Variants in CTNNA3 observed in about 807,000 individuals in gnomAD.
CTNNA3 encodes catenin alpha-3.
Under a neutral mutation model 95.7 loss-of-function variants are expected in CTNNA3, and 76 were observed. The observed-to-expected ratio is 0.79, with a 90% CI of 0.66 to 0.96. The LOEUF is 0.96. CTNNA3 is among the 40% of genes least tolerant of loss of function. The probability of loss-of-function intolerance (pLI) is 0.00; values close to 1 mark genes in which losing one functional copy is unlikely to be tolerated. For synonymous variants in CTNNA3, 431 were observed against 374.4 expected (o/e 1.15, Z -1.74); for missense variants, 1,191 against 1,089.8 (o/e 1.09, Z -1.31).
chr10:66,842,551 T>C (rs1467146881), intron 7 of CTNNA3, among the ~76,000 whole-genome samples: 1 of 152,062 alleles, frequency 6.6e-6, no homozygotes, highest in Non-Finnish European at 1.5e-5. Context: ...ACAAAGCAAG[T>C]AGAGAAGAAC....
chr10:66,463,829 T>C (rs1041143994), intron 11 of CTNNA3, among the ~76,000 whole-genome samples: 5 of 151,784 alleles, frequency 3.3e-5, no homozygotes, highest in African/African-American at 1.2e-4. Flanking sequence ...CAGAGAACGA[T>C]GCTCTGGCAA....
At chr10:67,515,982 C>T (rs535014337) in intron 5 of CTNNA3, among the ~76,000 whole-genome samples, 7 of 152,020 alleles carry the variant, frequency 4.6e-5, no homozygotes, top group Admixed American at 3.9e-4. Flanking sequence ...TATTTTTTGA[C>T]ATGGAGTTTT....
intron 13 of CTNNA3, among the ~76,000 whole-genome samples, chr10:66,159,691 A>C (rs757358050): frequency 7.1e-6 from 1 of 141,272 alleles, no homozygotes; most frequent in Non-Finnish European, 1.5e-5. Flanking sequence ...CTGGCTTCAT[A>C]GAATGAATTA....
intron 11 of CTNNA3, among the ~76,000 whole-genome samples, chr10:66,415,902 C>T (rs907367263): frequency 4.8e-4 from 73 of 152,180 alleles, no homozygotes; most frequent in Admixed American, 1.2e-3. Context: ...ACATGAGATG[C>T]ACGGATATCA....
At chr10:66,320,592 A>T (rs1452154743) in intron 12 of CTNNA3, among the ~76,000 whole-genome samples, 1 of 152,076 alleles carries the variant, frequency 6.6e-6, no homozygotes, top group Non-Finnish European at 1.5e-5. Flanking sequence ...CTGTCTTCGT[A>T]TCACTAGGAC....
chr10:65,923,300 T>A (rs2077118179), intron 17 of CTNNA3, among the ~76,000 whole-genome samples: 1 of 152,234 alleles, frequency 6.6e-6, no homozygotes, highest in Non-Finnish European at 1.5e-5. Flanking sequence ...CATTTGCACC[T>A]CAAGATTGAC....
At chr10:67,660,397 A>C (rs1411150555) in intron 1 of CTNNA3, among the ~76,000 whole-genome samples, 1 of 152,190 alleles carries the variant, frequency 6.6e-6, no homozygotes, top group Non-Finnish European at 1.5e-5. Context: ...TAACATTAGA[A>C]GTATCCCATA....
At chr10:67,199,202 A>G (rs1409159777) in intron 6 of CTNNA3, among the ~76,000 whole-genome samples, 1 of 152,194 alleles carries the variant, frequency 6.6e-6, no homozygotes, top group Non-Finnish European at 1.5e-5. Context: ...TTCACACTGC[A>G]AGTAATAAAA....
At chr10:67,356,327 T>C (rs1842804888) in intron 5 of CTNNA3, among the ~76,000 whole-genome samples, 1 of 152,122 alleles carries the variant, frequency 6.6e-6, no homozygotes, top group African/African-American at 2.4e-5. Context: ...TGTAGAAAAC[T>C]GTGTCCCTTC....
At chr10:67,351,681 G>A (rs1464118200) in intron 5 of CTNNA3, among the ~76,000 whole-genome samples, 1 of 151,936 alleles carries the variant, frequency 6.6e-6, no homozygotes, top group Non-Finnish European at 1.5e-5. Context: ...TTATTTTTCT[G>A]AGAGAAGCTG....
At chr10:66,610,689 T>A (rs1844298118) in intron 10 of CTNNA3, among the ~76,000 whole-genome samples, 1 of 152,028 alleles carries the variant, frequency 6.6e-6, no homozygotes, top group Admixed American at 6.6e-5. Flanking sequence ...GAATATAAAG[T>A]CATACGGTAA....
chr10:66,806,299 A>G (rs1841642654), intron 7 of CTNNA3, among the ~76,000 whole-genome samples: 1 of 133,788 alleles, frequency 7.5e-6, no homozygotes. Context: ...GTGTATATAT[A>G]CTCATTTAAT....
At chr10:66,932,020 A>G (rs796241475) in intron 7 of CTNNA3, among the ~76,000 whole-genome samples, 5 of 152,278 alleles carry the variant, frequency 3.3e-5, no homozygotes, top group African/African-American at 1.2e-4. Context: ...AAAGGTGTCA[A>G]AGGAGGGGGG....
chr10:67,709,933 C>A (rs1841097570), intron 1 of CTNNA3, among the ~76,000 whole-genome samples: 1 of 152,108 alleles, frequency 6.6e-6, no homozygotes, highest in Non-Finnish European at 1.5e-5. Context: ...ACAAATATCA[C>A]TTGTTAATAG....
At chr10:67,242,456 A>C (rs980498962) in intron 5 of CTNNA3, among the ~76,000 whole-genome samples, 5 of 152,234 alleles carry the variant, frequency 3.3e-5, no homozygotes, top group African/African-American at 4.8e-5. Flanking sequence ...GTGACTTTAA[A>C]GCTAAGACTA....
chr10:66,130,426 GT>G (rs201188978), intron 13 of CTNNA3, among the ~76,000 whole-genome samples: 307 of 142,106 alleles, frequency 2.2e-3, no homozygotes, highest in African/African-American at 3.9e-3. Context: ...ATCAGGATCT[GT>G]TTTTTTTTTT....
chr10:66,557,555 A>G (rs1266722876), intron 10 of CTNNA3, among the ~76,000 whole-genome samples: 1 of 152,118 alleles, frequency 6.6e-6, no homozygotes, highest in African/African-American at 2.4e-5. Context: ...GAATTTTACC[A>G]TTTCCAAGGG....
chr10:66,766,553 T>A (rs946795223), intron 8 of CTNNA3, 137 bp from the exon 9 acceptor site: 1 of 675,268 alleles, frequency 1.5e-6, no homozygotes, highest in African/African-American at 1.8e-5. Flanking sequence ...CTTAAAGATA[T>A]ACAAGAATGT....
intron 9 of CTNNA3, among the ~76,000 whole-genome samples, chr10:66,680,652 T>G (rs531386228): frequency 8.3e-4 from 127 of 152,268 alleles, no homozygotes; most frequent in African/African-American, 2.9e-3. Flanking sequence ...CAAGATGCAT[T>G]CATTTGTTCC....
Sources: allele counts gnomAD v4.1 joint callset (sites outside exome capture counted in the v4.1 genomes callset), GRCh38; gene constraint gnomAD v4.1.1; transcripts MANE v1.5; gene names NCBI Gene and HGNC (gene_info 2026-07-23, HGNC 2026-07-21).